The following HSPG2 variants were observed in gnomAD, a reference collection of about 807,000 sequenced individuals.
HSPG2 encodes heparan sulfate proteoglycan 2, also known as basement membrane-specific heparan sulfate proteoglycan core protein.
Under a neutral mutation model 526.6 loss-of-function variants are expected in HSPG2, and 278 were observed. The observed-to-expected ratio is 0.53, with a 90% CI of 0.48 to 0.58. The LOEUF is 0.58. Among genes scored for constraint, HSPG2 ranks in the 20% least tolerant of loss-of-function variants. The pLI is 0.00. For synonymous variants in HSPG2, 2,465 were observed against 2,555.4 expected, an observed-to-expected ratio of 0.96 and a Z score of 1.07; for missense variants, 5,354 against 6,099.5, an observed-to-expected ratio of 0.88 and a Z score of 4.07.
rs1265098660 is a variant in HSPG2, at chr1:21,890,100, G to A, written c.455C>T (p.Ser152Leu). The A allele has an allele frequency of 4.3e-6, 7 of 1,613,864 alleles. No homozygotes were observed. Among genetic ancestry groups the A allele is most frequent in the East Asian group, 2.2e-5 (1 of 44,890 alleles). The change falls in exon 6 of 97, where the codon TCG becomes TTG. Residue 152 changes from serine (S) to leucine (L), a missense_variant. Ser to Leu is a moderately radical substitution (Grantham distance 145). Coordinates refer to ENST00000374695, the MANE Select transcript of HSPG2 (RefSeq NM_005529.7). The surrounding 1 kb of genome is among the most constrained non-coding windows in gnomAD (Gnocchi z 4.1). ...GWVFVELDVG[S>L]EGNADGAQIQ... Reference sequence around the variant, plus strand: ...CTGAGCCCCATCCGCATTCCCTTCCGAGCCCACATCCAGCTCCACAAAAAC... The same window carrying A: ...CTGAGCCCCATCCGCATTCCCTTCCAAGCCCACATCCAGCTCCACAAAAAC...
chr1:21,871,895 GT>G (rs1387794191), intron 33 of HSPG2, among the ~76,000 whole-genome samples: 3 of 152,232 alleles, frequency 2.0e-5, no homozygotes, highest in African/African-American at 7.2e-5. Flanking sequence ...TCCCAGATCT[GT>G]TTGTAGAATA....
rs1488598811 is a variant in HSPG2 at position 21,876,195 on chromosome 1, T to C, written c.3003+34A>G. ...CTTTGCCTGCGCTGTTCCTGCTGCC[T>C]GGAGTTTCCTTTGCCTTTCCACCCA... On this transcript the variant is annotated intron_variant, in intron 23 of 96. Coordinates refer to ENST00000374695, the MANE Select transcript of HSPG2 (RefSeq NM_005529.7). 2.5e-6 allele frequency: 4 copies of C among 1,584,300 alleles called. No individual in the cohort carries two copies. In the Admixed American group the frequency reaches 7.3e-5, roughly 29 times the overall value.
Position 21,865,369 on chromosome 1 carries a change from G to A in HSPG2, c.4315-4C>T, listed in dbSNP as rs1640144406. On this transcript the variant is annotated splice_region_variant and splice_polypyrimidine_tract_variant and intron_variant, in intron 34 of 96. Transcript: ENST00000374695. The surrounding 1 kb of genome is among the most constrained non-coding windows in gnomAD (Gnocchi z 5.4). ...CCACTAGCATGATGTTGTTGCCCTG[G>A]AAAGACACCAGCAGGATTGGAAGGG... 4 of 1,613,860 alleles carry A rather than the reference G, an allele frequency of 2.5e-6. No homozygotes were observed. The highest frequency in any genetic ancestry group is 1.3e-5 in the African/African-American group (1 of 74,902).
intron 57 of HSPG2, 52 bp downstream of exon 57, chr1:21,849,989 C>T (rs1638760324): frequency 9.3e-6 from 15 of 1,609,402 alleles, no homozygotes; most frequent in Non-Finnish European, 1.1e-5. Context: ...AGCCTATGCT[C>T]TTGTACTGCA....
At chr1:21,841,742 C>T in intron 69 of HSPG2, 69 bp from the exon 70 acceptor site, 2 of 1,589,204 alleles carry the variant, frequency 1.3e-6, no homozygotes, top group Non-Finnish European at 1.7e-6. Flanking sequence ...GTGCTGCCAG[C>T]CTGTGCCCCT....
At chr1:21,878,512 C>G (rs903745390) in intron 19 of HSPG2, 21 bp from the exon 20 acceptor site, 5 of 1,613,654 alleles carry the variant, frequency 3.1e-6, no homozygotes, top group Non-Finnish European at 4.2e-6. Flanking sequence ...GAGGGGGCCG[C>G]CATCAGCACT....
chr1:21,912,607 T>A (rs1424376895), intron 1 of HSPG2, among the ~76,000 whole-genome samples: 3 of 152,164 alleles, frequency 2.0e-5, no homozygotes, highest in African/African-American at 7.2e-5. Context: ...TTCAATCCCA[T>A]CTCTGACACT....
chr1:21,890,138 C>T lies in HSPG2; in HGVS notation c.417G>A (p.Glu139=), dbSNP rs1642244240. ...DQVVSVVFIK[E]LDGWVFVELD... ...GCTCCACAAAAACCCAGCCATCCAG[C>T]TCCCTGGGGATGGAGACAGGCAGGA... Residue 139 remains glutamate, a synonymous_variant, in exon 6 of 97, where the codon GAG becomes GAA. Coordinates refer to ENST00000374695, the MANE Select transcript of HSPG2 (RefSeq NM_005529.7). The surrounding 1 kb of genome is among the most constrained non-coding windows in gnomAD (Gnocchi z 4.1). 5 of 1,614,040 alleles carry T rather than the reference C, an allele frequency of 3.1e-6. No homozygotes were observed. The highest frequency in any genetic ancestry group is 4.2e-6 in the Non-Finnish European group (5 of 1,179,960).
Position 21,873,441 on chromosome 1 carries a change from C to G in HSPG2, c.3744-17G>C, listed in dbSNP as rs771695209. On this transcript the variant is annotated splice_polypyrimidine_tract_variant and intron_variant, in intron 29 of 96. Coordinates refer to ENST00000374695, the MANE Select transcript of HSPG2 (RefSeq NM_005529.7). ...GGGGCGCACCTGCAGAGAGAAAAAG[C>G]CTCTGATGAATTTTGGATGAAGGGA... 6.8e-6 allele frequency: 11 copies of G among 1,613,768 alleles called. No homozygotes were observed. Among genetic ancestry groups the G allele is most frequent in the Non-Finnish European group, 9.3e-6 (11 of 1,179,870 alleles).
chr1:21,875,215 G>T lies in HSPG2; in HGVS notation c.3303-213C>A, dbSNP rs1248270401. The T allele has an allele frequency of 3.0e-5, 19 of 624,172 alleles. No homozygotes were observed. The East Asian group carries it at 5.2e-4, about 17-fold the overall frequency. 38.7% of individuals were successfully genotyped at this position (624,172 alleles called of 1,614,324 possible). A position where few individuals can be genotyped will look rare whatever the true frequency, so the allele number is the denominator to read the frequency against. On this transcript the variant is annotated intron_variant, in intron 25 of 96. Coordinates refer to ENST00000374695, the MANE Select transcript of HSPG2 (RefSeq NM_005529.7). ...CCATCACCCTTCCTCACCTGGAGAG[G>T]TTATACCACCTCGTTCCCCTGGGGT...
chr1:21,904,161 G>T lies in HSPG2; in HGVS notation c.64-7851C>A, dbSNP rs1408130105. Reference sequence around the variant, plus strand: ...GGCAACACCGTGCGAAGAGAGTGCTGAAGGGGAAGGAAGGGGGCCGGCAGA... The same window carrying T: ...GGCAACACCGTGCGAAGAGAGTGCTTAAGGGGAAGGAAGGGGGCCGGCAGA... On this transcript the variant is annotated intron_variant, in intron 1 of 96. Transcript: ENST00000374695. The surrounding 1 kb of genome is among the most constrained non-coding windows in gnomAD (Gnocchi z 4.4). Among the ~76,000 whole-genome samples, 1 of 152,192 alleles carries T rather than the reference G, an allele frequency of 6.6e-6. No individual in the cohort carries two copies. Among genetic ancestry groups the T allele is most frequent in the Non-Finnish European group, 1.5e-5 (1 of 68,026 alleles).
In HSPG2 at chr1:21,846,456, G is replaced by A; in HGVS notation, c.8308C>T (p.His2770Tyr). The A allele has an allele frequency of 1.2e-6, 2 of 1,613,554 alleles. No individual in the cohort carries two copies. The highest frequency in any genetic ancestry group is 1.7e-6 in the Non-Finnish European group (2 of 1,180,056). ...WHKRGGSLPS[H>Y]HQTRGSRLRL... ...TCCTGCCAGCTGCATACCTGATGGT[G>A]ACTGGGGAGGCTGCCCCCACGCTTG... The change falls in exon 63 of 97, where the codon CAC becomes TAC. Residue 2770 changes from histidine (H) to tyrosine (Y), a missense_variant. By Grantham distance (83) the His-to-Tyr change is moderately conservative (BLOSUM62 2). Coordinates refer to ENST00000374695, the MANE Select transcript of HSPG2 (RefSeq NM_005529.7).
In HSPG2 at chr1:21,878,587, G is replaced by T; in HGVS notation, c.2548C>A (p.Arg850Ser). Residue 850 changes from arginine to serine, a missense_variant, in exon 19 of 97, where the codon CGC becomes AGC. Coordinates refer to ENST00000374695, the MANE Select transcript of HSPG2 (RefSeq NM_005529.7). ...DACAPGYTGR[R>S]CESCAPGYEG... is the part of the protein sequence containing the mutation. ...AAGGCTCTCCCTCACCTCTCACAGC[G>T]GCGGCCAGTGTAGCCTGGGGCACAG... 1.2e-6 allele frequency: 2 copies of T among 1,614,114 alleles called. No homozygotes were observed. The highest frequency in any genetic ancestry group is 1.7e-6 in the Non-Finnish European group (2 of 1,180,010).
At position 21,923,400 on chromosome 1, in the gene HSPG2, C is replaced by T. The variant is rs144674845; in HGVS notation, c.63+13755G>A. ...CAGCCTGGGCGACAGAGCAAGACTCCGTCTCAAAAAAAAAAATAAAATAAA... is the reference window on the plus strand; with the variant it reads ...CAGCCTGGGCGACAGAGCAAGACTCTGTCTCAAAAAAAAAAATAAAATAAA... On this transcript the variant is annotated intron_variant, in intron 1 of 96. Coordinates refer to ENST00000374695, the MANE Select transcript of HSPG2 (RefSeq NM_005529.7). 2.9e-3 allele frequency among the ~76,000 whole-genome samples: 426 copies of T among 144,932 alleles called. 12 individuals are homozygous for T. In the East Asian group the frequency reaches 0.077, roughly 26 times the overall value.
At position 21,823,329 on chromosome 1, in the gene HSPG2, G is replaced by C; in HGVS notation, c.13163C>G (p.Pro4388Arg). The C allele has an allele frequency of 6.5e-7, 1 of 1,539,768 alleles. No individual in the cohort carries two copies. Among genetic ancestry groups the C allele is most frequent in the Non-Finnish European group, 8.7e-7 (1 of 1,144,956 alleles). ...HRAQAGANTR[P>R]CPS is the part of the protein sequence containing the mutation. ...GCAGGCAGGTGCCTACGAGGGGCAGGGGCGTGTGTTGGCCCCGGCCTGGGC... is the reference window on the plus strand; with the variant it reads ...GCAGGCAGGTGCCTACGAGGGGCAGCGGCGTGTGTTGGCCCCGGCCTGGGC... The change falls in exon 97 of 97, where the codon CCC (proline) becomes CGC (arginine). Residue 4388 changes from proline to arginine, a missense_variant. Coordinates refer to ENST00000374695, the MANE Select transcript of HSPG2 (RefSeq NM_005529.7).
chr1:21,837,972 C>CT (rs1267800201), intron 74 of HSPG2, among the ~76,000 whole-genome samples: 1 of 151,708 alleles, frequency 6.6e-6, no homozygotes, highest in Non-Finnish European at 1.5e-5. Flanking sequence ...CCCTTCTCTA[C>CT]TAAAAACACA....
At chr1:21,888,599 C>G in intron 6 of HSPG2, 1 of 1,212,858 alleles carries the variant, frequency 8.2e-7, no homozygotes. Context: ...AGCCCCTGCA[C>G]CCGGCCTCCT....
At chr1:21,830,896 T>C in intron 85 of HSPG2, 86 bp downstream of exon 85, 1 of 845,734 alleles carries the variant, frequency 1.2e-6, no homozygotes, top group Non-Finnish European at 1.9e-6. Flanking sequence ...AGTGCCCCAG[T>C]GGTTGAGATG....
intron 42 of HSPG2, 121 bp from the exon 43 acceptor site, chr1:21,857,506 T>C: frequency 1.1e-6 from 1 of 905,020 alleles, no homozygotes; most frequent in Non-Finnish European, 1.8e-6. Flanking sequence ...TAGCTCTCAT[T>C]CTACCCCCTG....
Sources: gnomAD v4.1 joint callset for allele counts (sites outside exome capture counted in the v4.1 genomes callset) on GRCh38, gnomAD v4.1.1 for gene constraint, Gnocchi (gnomAD v3.1) non-coding constraint, MANE v1.5 for transcripts, NCBI Gene and HGNC (gene_info 2026-07-23, HGNC 2026-07-21) for gene names.